The following PACSIN2 variants were observed in gnomAD, a reference collection of about 807,000 sequenced individuals.
PACSIN2 encodes the protein protein kinase C and casein kinase substrate in neurons 2, also known as protein kinase C and casein kinase substrate in neurons protein 2.
A neutral mutation model predicts 63.8 loss-of-function variants in PACSIN2; 25 were observed. The observed-to-expected ratio is 0.39, with a 90% CI of 0.29 to 0.55. The LOEUF (loss-of-function observed/expected upper bound fraction) is 0.55. PACSIN2 is among the 20% of genes least tolerant of loss of function. PACSIN2 has a pLI of 0.62. For missense variants in PACSIN2, 518 were observed against 646.9 expected, an observed-to-expected ratio of 0.80 and a Z score of 2.16; for synonymous variants, 255 against 256.2, an observed-to-expected ratio of 1.00 and a Z score of 0.05.
chr22:42,986,692 G>A (rs753280751), intron 1 of PACSIN2, among the ~76,000 whole-genome samples: 1 of 152,156 alleles, frequency 6.6e-6, no homozygotes, highest in African/African-American at 2.4e-5. Flanking sequence ...AGTGACCACT[G>A]AGAGGGGGCT....
At chr22:42,921,905 A>G (rs563879127) in intron 1 of PACSIN2, among the ~76,000 whole-genome samples, 10 of 152,010 alleles carry the variant, frequency 6.6e-5, no homozygotes, top group South Asian at 4.2e-4. Flanking sequence ...TGCCAGGCTA[A>G]TTTTTGTATT....
chr22:42,989,980 A>T (rs1922916133), intron 1 of PACSIN2, among the ~76,000 whole-genome samples: 1 of 121,708 alleles, frequency 8.2e-6, no homozygotes, highest in African/African-American at 3.1e-5. Context: ...AAAAGAAGAT[A>T]TATTTATATA....
intron 1 of PACSIN2, among the ~76,000 whole-genome samples, chr22:42,999,087 A>G (rs73176900): frequency 0.09 from 13,642 of 152,248 alleles, 814 homozygotes; most frequent in Non-Finnish European, 0.13. Flanking sequence ...GAACCCAAAA[A>G]GGCTGTCACA....
chr22:42,911,292 C>T (rs1931439408), intron 2 of PACSIN2, among the ~76,000 whole-genome samples: 6 of 151,556 alleles, frequency 4.0e-5, no homozygotes, highest in Admixed American at 4.0e-4. Context: ...TTCCTATAGT[C>T]TCAGCTACTC....
At chr22:42,888,468 G>A (rs1042105257) in intron 5 of PACSIN2, among the ~76,000 whole-genome samples, 175 bp downstream of exon 5, 2 of 152,208 alleles carry the variant, frequency 1.3e-5, no homozygotes, top group Non-Finnish European at 2.9e-5. Flanking sequence ...TGGCTATGGT[G>A]AGGCGAGGTG....
At chr22:42,921,126 G>A (rs1408330733) in intron 1 of PACSIN2, among the ~76,000 whole-genome samples, 5 of 151,986 alleles carry the variant, frequency 3.3e-5, no homozygotes, top group Non-Finnish European at 5.9e-5. Context: ...TTGGGAGGCC[G>A]AGAAGGGCAG....
At chr22:42,976,756 C>T (rs1196074623) in intron 1 of PACSIN2, among the ~76,000 whole-genome samples, 1 of 152,204 alleles carries the variant, frequency 6.6e-6, no homozygotes, top group African/African-American at 2.4e-5. Context: ...TTCACAGATA[C>T]CCCATTTCGT....
At chr22:42,970,635 T>C (rs941806705) in intron 1 of PACSIN2, among the ~76,000 whole-genome samples, 23 of 152,258 alleles carry the variant, frequency 1.5e-4, no homozygotes, top group Non-Finnish European at 2.8e-4. Context: ...GAACATTCAT[T>C]ACGTCCTTTG....
intron 2 of PACSIN2, among the ~76,000 whole-genome samples, chr22:42,902,826 C>T (rs1930790782): frequency 6.6e-6 from 1 of 152,202 alleles, no homozygotes; most frequent in Non-Finnish European, 1.5e-5. Context: ...GTTGGCCAGG[C>T]TGGTCTTGAA....
Position 42,871,255 on chromosome 22 carries a change from G to A in PACSIN2, c.*102C>T. The A allele has an allele frequency of 1.3e-6, 1 of 750,546 alleles. No individual in the cohort carries two copies. Among genetic ancestry groups the A allele is most frequent in the East Asian group, 2.6e-5 (1 of 38,558 alleles). 46.5% of individuals were successfully genotyped at this position (750,546 alleles called of 1,614,324 possible). ...GGAACACCATGAAGCCAAGAGCAAT[G>A]GAACCATCATCTCTTGCAGGAAAAG... On this transcript the variant is annotated 3_prime_UTR_variant, in exon 11 of 11. Coordinates refer to ENST00000263246, the MANE Select transcript of PACSIN2 (RefSeq NM_001184970.3). The surrounding 1 kb of genome is among the most constrained non-coding windows in gnomAD (Gnocchi z 5.4).
intron 1 of PACSIN2, among the ~76,000 whole-genome samples, chr22:42,932,576 A>G (rs922688225): frequency 2.6e-5 from 4 of 152,196 alleles, no homozygotes; most frequent in African/African-American, 9.7e-5. Flanking sequence ...AGGATATCAA[A>G]TAAGACCTTT....
intron 1 of PACSIN2, among the ~76,000 whole-genome samples, chr22:42,922,134 AATGT>A (rs1932236622): frequency 6.6e-6 from 1 of 152,212 alleles, no homozygotes. Flanking sequence ...TTCTGCCAGC[AATGT>A]ATGTAAGTAC....
At chr22:42,978,263 G>A (rs1168014518) in intron 1 of PACSIN2, among the ~76,000 whole-genome samples, 1 of 152,138 alleles carries the variant, frequency 6.6e-6, no homozygotes, top group Non-Finnish European at 1.5e-5. Context: ...ACATGCATTT[G>A]TGAGGGTCAG....
intron 1 of PACSIN2, among the ~76,000 whole-genome samples, chr22:42,939,597 T>C (rs1933059528): frequency 6.6e-6 from 1 of 152,248 alleles, no homozygotes; most frequent in East Asian, 1.9e-4. Flanking sequence ...GCAACGTTTT[T>C]AACAGAAATA....
At chr22:42,919,081 G>C (rs1931995647) in intron 1 of PACSIN2, among the ~76,000 whole-genome samples, 1 of 152,136 alleles carries the variant, frequency 6.6e-6, no homozygotes, top group African/African-American at 2.4e-5. Context: ...ATGCCAAACA[G>C]TGCTGGAGCC....
At chr22:42,968,795 C>T (rs560754511) in intron 1 of PACSIN2, among the ~76,000 whole-genome samples, 13 of 152,324 alleles carry the variant, frequency 8.5e-5, no homozygotes, top group Admixed American at 6.5e-4. Flanking sequence ...CCTTGGGCCA[C>T]GGAACCCCAA....
chr22:42,879,278 A>T, intron 7 of PACSIN2, 109 bp from the exon 8 acceptor site: 3 of 1,190,616 alleles, frequency 2.5e-6, no homozygotes, highest in Admixed American at 2.3e-5. Flanking sequence ...TGTGCATCTG[A>T]TGTGTAGACT....
At chr22:42,955,359 G>A (rs941225634) in intron 1 of PACSIN2, among the ~76,000 whole-genome samples, 1 of 152,142 alleles carries the variant, frequency 6.6e-6, no homozygotes, top group Admixed American at 6.5e-5. Flanking sequence ...CCAGCATCCA[G>A]GTGAACTGTC....
intron 8 of PACSIN2, among the ~76,000 whole-genome samples, chr22:42,877,912 GA>G (rs1928767593): frequency 1.3e-5 from 2 of 152,216 alleles, no homozygotes. Context: ...CACCACCCCA[GA>G]ACCAAGGAAG....
Sources: gnomAD v4.1 joint callset for allele counts (sites outside exome capture counted in the v4.1 genomes callset) on GRCh38, gnomAD v4.1.1 for gene constraint, Gnocchi (gnomAD v3.1) non-coding constraint, MANE v1.5 for transcripts, NCBI Gene and HGNC (gene_info 2026-07-23, HGNC 2026-07-21) for gene names.